UNC13C: variants seen among roughly 807,000 people sequenced by gnomAD.
The protein encoded by UNC13C is unc-13 homolog C.
A neutral mutation model predicts 245.4 loss-of-function variants in UNC13C; 174 were observed. The ratio of observed to expected loss-of-function variants is 0.71; its 90% CI spans 0.63 to 0.80. UNC13C has a LOEUF of 0.80. Among genes scored for constraint, UNC13C ranks in the 30% least tolerant of loss-of-function variants. The pLI is 0.00. For missense variants in UNC13C, 2,829 were observed against 2,602.9 expected (o/e 1.09, Z -1.89); for synonymous variants, 992 against 895.1 (o/e 1.11, Z -1.93).
At chr15:54,147,187 G>A (rs568802019) in intron 4 of UNC13C, among the ~76,000 whole-genome samples, 1 of 151,380 alleles carries the variant, frequency 6.6e-6, no homozygotes, top group Admixed American at 6.6e-5. Flanking sequence ...ACATGCCCAT[G>A]GCAGCTACCG....
intron 10 of UNC13C, among the ~76,000 whole-genome samples, chr15:54,274,797 G>T (rs547219807): frequency 6.8e-6 from 1 of 147,862 alleles, no homozygotes; most frequent in Admixed American, 6.9e-5. Flanking sequence ...TCAGCCTCCC[G>T]AGTAGCTGGG....
chr15:53,979,925 A>C (rs1302270341), intron 1 of UNC13C, among the ~76,000 whole-genome samples: 1 of 152,204 alleles, frequency 6.6e-6, no homozygotes, highest in East Asian at 1.9e-4. Context: ...TTAAATGTGC[A>C]TATGTCTATA....
intron 17 of UNC13C, among the ~76,000 whole-genome samples, chr15:54,380,845 A>G (rs1350569826): frequency 1.3e-5 from 2 of 152,158 alleles, no homozygotes; most frequent in Non-Finnish European, 2.9e-5. Context: ...AATGTCTTAC[A>G]AATTTTGGGT....
chr15:54,607,797 C>G (rs1355865634), intron 30 of UNC13C, among the ~76,000 whole-genome samples: 1 of 152,064 alleles, frequency 6.6e-6, no homozygotes, highest in African/African-American at 2.4e-5. Context: ...TCTTGAGAAC[C>G]CATTCACTGT....
chr15:54,199,252 A>T (rs537265917), intron 4 of UNC13C, among the ~76,000 whole-genome samples: 3 of 152,168 alleles, frequency 2.0e-5, no homozygotes, highest in Admixed American at 2.0e-4. Context: ...GAAATCTACA[A>T]GTTTGGAAAA....
chr15:53,854,781 C>CT, the UNC13C span, among the ~76,000 whole-genome samples: 1 of 152,012 alleles, frequency 6.6e-6, no homozygotes, highest in Non-Finnish European at 1.5e-5. Flanking sequence ...TATTTGGGCT[C>CT]TTTTTTTGTT....
At chr15:54,214,310 G>T (rs897556947) in intron 4 of UNC13C, among the ~76,000 whole-genome samples, 9 of 151,846 alleles carry the variant, frequency 5.9e-5, no homozygotes, top group Non-Finnish European at 1.2e-4. Context: ...TCTTTAAAAT[G>T]AGCAGGACCT....
intron 4 of UNC13C, among the ~76,000 whole-genome samples, chr15:54,226,709 C>G (rs940364481): frequency 1.3e-5 from 2 of 152,174 alleles, no homozygotes; most frequent in Non-Finnish European, 2.9e-5. Context: ...GCCGCTGAGG[C>G]AGGGCAGGCA....
chr15:53,991,400 G>A (rs1894380839), intron 1 of UNC13C, among the ~76,000 whole-genome samples: 1 of 151,938 alleles, frequency 6.6e-6, no homozygotes, highest in Admixed American at 6.6e-5. Flanking sequence ...ATAAAACATT[G>A]TTCTTTCTAG....
intron 17 of UNC13C, among the ~76,000 whole-genome samples, chr15:54,378,315 G>A (rs1205014691): frequency 1.3e-5 from 2 of 152,112 alleles, no homozygotes; most frequent in Non-Finnish European, 1.5e-5. Flanking sequence ...TGCTTTTAAA[G>A]AGGTGATATA....
At chr15:53,876,070 T>G in the UNC13C span, among the ~76,000 whole-genome samples, 1 of 152,240 alleles carries the variant, frequency 6.6e-6, no homozygotes, top group African/African-American at 2.4e-5. Context: ...TGCTAAATAC[T>G]CTCTCCTGTT....
chr15:54,487,018 T>C (rs1422720218), intron 19 of UNC13C, among the ~76,000 whole-genome samples: 1 of 152,118 alleles, frequency 6.6e-6, no homozygotes. Flanking sequence ...AACTGGAACA[T>C]ACCTCATAGA....
rs71474871 is a variant in UNC13C at position 54,347,990 on chromosome 15, A to G, written c.4713+9501A>G. The stretch of plus-strand genomic sequence containing the variant: ...AATACATTTTAGAAATAGGTAATAC[A>G]GTATTATTGTTGTATATACTAATTC... On this transcript the variant is annotated intron_variant, in intron 17 of 32. Transcript: ENST00000260323. 8.2e-3 allele frequency among the ~76,000 whole-genome samples: 1,248 copies of G among 152,304 alleles called. 6 individuals are homozygous for G. Among genetic ancestry groups the G allele is most frequent in the Non-Finnish European group, 0.014 (922 of 68,004 alleles).
At chr15:54,439,161 A>G (rs950045442) in intron 19 of UNC13C, among the ~76,000 whole-genome samples, 2 of 151,892 alleles carry the variant, frequency 1.3e-5, no homozygotes, top group African/African-American at 4.8e-5. Flanking sequence ...CTCTCTCACA[A>G]TCTCTGTTAC....
chr15:54,525,476 A>G, intron 24 of UNC13C, 73 bp from the exon 25 acceptor site: 10 of 1,121,346 alleles, frequency 8.9e-6, no homozygotes, highest in Non-Finnish European at 1.3e-5. Context: ...ATAATAATCA[A>G]AATGCTTGTA....
intron 30 of UNC13C, among the ~76,000 whole-genome samples, chr15:54,587,550 A>C (rs1258099117): frequency 6.6e-6 from 1 of 152,198 alleles, no homozygotes; most frequent in South Asian, 2.1e-4. Flanking sequence ...ACAACTAAGG[A>C]GTTTGGGACC....
intron 32 of UNC13C, among the ~76,000 whole-genome samples, chr15:54,626,466 G>C (rs547215491): frequency 6.7e-6 from 1 of 149,700 alleles, no homozygotes; most frequent in East Asian, 1.9e-4. Context: ...GGTAAAGTGC[G>C]AGTAGTAACT....
intron 24 of UNC13C, among the ~76,000 whole-genome samples, chr15:54,519,578 C>T (rs1239818819): frequency 6.6e-6 from 1 of 152,142 alleles, no homozygotes; most frequent in Admixed American, 6.5e-5. Context: ...ATTTATACAA[C>T]TGATACCTCT....
intron 2 of UNC13C, among the ~76,000 whole-genome samples, chr15:54,076,398 G>C (rs925433036): frequency 6.6e-6 from 1 of 151,302 alleles, no homozygotes; most frequent in African/African-American, 2.4e-5. Context: ...TGAGAATGAT[G>C]GTTTCCAGTT....
Sources: gnomAD v4.1 joint callset for allele counts (sites outside exome capture counted in the v4.1 genomes callset) on GRCh38, gnomAD v4.1.1 for gene constraint, MANE v1.5 for transcripts, NCBI Gene and HGNC (gene_info 2026-07-23, HGNC 2026-07-21) for gene names.